The following MAGI2 variants were observed in gnomAD, a reference collection of about 807,000 sequenced individuals.
MAGI2 encodes the protein membrane-associated guanylate kinase, WW and PDZ domain-containing protein 2.
A neutral mutation model predicts 133.3 loss-of-function variants in MAGI2; 35 were observed. That is an observed-to-expected ratio of 0.26 (90% CI 0.20 to 0.35). The LOEUF (loss-of-function observed/expected upper bound fraction) is 0.35, where lower values mean the gene tolerates loss of function less well. Among genes scored for constraint, MAGI2 ranks in the 10% least tolerant of loss-of-function variants. The pLI is 1.00. For missense variants in MAGI2, 1,636 were observed against 1,863.4 expected (o/e 0.88, Z 2.25); for synonymous variants, 729 against 710.6 (o/e 1.03, Z -0.41).
intron 2 of MAGI2, among the ~76,000 whole-genome samples, chr7:78,861,817 G>C (rs991220091): frequency 1.3e-5 from 2 of 152,156 alleles, no homozygotes; most frequent in Non-Finnish European, 2.9e-5. Context: ...TGATTAAATA[G>C]CATTGCTTTT....
chr7:78,694,100 G>A (rs1423073409), intron 2 of MAGI2, among the ~76,000 whole-genome samples: 1 of 152,052 alleles, frequency 6.6e-6, no homozygotes, highest in Non-Finnish European at 1.5e-5. Context: ...TGGGAAACTG[G>A]GAGCCTCAGT....
chr7:78,164,465 C>T (rs1187468161), intron 15 of MAGI2, among the ~76,000 whole-genome samples: 1 of 152,214 alleles, frequency 6.6e-6, no homozygotes, highest in Non-Finnish European at 1.5e-5. Context: ...AGGGGCTGGC[C>T]TGCCTATAGG....
chr7:79,368,024 A>T (rs1439335896), intron 1 of MAGI2, among the ~76,000 whole-genome samples: 1 of 151,656 alleles, frequency 6.6e-6, no homozygotes, highest in Admixed American at 6.6e-5. Context: ...TGAACTGGCC[A>T]CCAGGTTTGA....
chr7:78,802,795 C>A (rs1788184962), intron 2 of MAGI2, among the ~76,000 whole-genome samples: 2 of 151,830 alleles, frequency 1.3e-5, no homozygotes, highest in Admixed American at 1.3e-4. Context: ...TCAATTGTAA[C>A]AAATGTGTTG....
At chr7:78,547,314 G>A (rs1451738990) in intron 3 of MAGI2, among the ~76,000 whole-genome samples, 1 of 152,164 alleles carries the variant, frequency 6.6e-6, no homozygotes, top group Non-Finnish European at 1.5e-5. Context: ...TCATAGTGGT[G>A]GTGGATTAAG....
chr7:78,266,585 T>C (rs1375029912), intron 9 of MAGI2, among the ~76,000 whole-genome samples: 5 of 93,740 alleles, frequency 5.3e-5, no homozygotes, highest in Admixed American at 1.2e-4. Flanking sequence ...AAAAAATCCC[T>C]TTTTTTTTTT....
intron 9 of MAGI2, among the ~76,000 whole-genome samples, chr7:78,310,648 T>C (rs1177069641): frequency 6.6e-6 from 1 of 152,082 alleles, no homozygotes; most frequent in Non-Finnish European, 1.5e-5. Flanking sequence ...ATGACAAGGA[T>C]CTGGACCAAG....
At chr7:78,629,985 T>G (rs1808783004) in intron 2 of MAGI2, among the ~76,000 whole-genome samples, 3 of 151,908 alleles carry the variant, frequency 2.0e-5, no homozygotes, top group Non-Finnish European at 4.4e-5. Context: ...TTAAATTAAA[T>G]AAATATTTTA....
At chr7:78,219,842 C>T (rs898944071) in intron 10 of MAGI2, among the ~76,000 whole-genome samples, 2 of 152,158 alleles carry the variant, frequency 1.3e-5, no homozygotes, top group Admixed American at 6.5e-5. Context: ...GATTCAGAGC[C>T]CCAGTACCTC....
intron 6 of MAGI2, among the ~76,000 whole-genome samples, chr7:78,387,601 G>T (rs1305663109): frequency 1.3e-5 from 2 of 152,112 alleles, no homozygotes; most frequent in Non-Finnish European, 2.9e-5. Flanking sequence ...TCACCACAAT[G>T]AAGGCTTCAA....
rs554608008 is a variant in MAGI2, at chr7:78,398,827, C to T, written c.1046-29614G>A. 5.3e-5 allele frequency among the ~76,000 whole-genome samples: 8 copies of T among 152,204 alleles called. No homozygotes were observed. In the South Asian group the frequency reaches 1.7e-3, roughly 32 times the overall value. ...CAGCTCACCCTAGTGTTTAAAAATC[C>T]TCCTGCTTTTTGTTTCAGGGCACTT... On this transcript the variant is annotated intron_variant, in intron 6 of 21. Transcript: ENST00000354212.
intron 1 of MAGI2, among the ~76,000 whole-genome samples, chr7:79,009,963 A>C (rs1807874509): frequency 6.6e-6 from 1 of 152,110 alleles, no homozygotes; most frequent in African/African-American, 2.4e-5. Context: ...ACACTCATTA[A>C]AAAAACTATT....
chr7:78,736,448 T>A (rs547639107), intron 2 of MAGI2, among the ~76,000 whole-genome samples: 1 of 152,314 alleles, frequency 6.6e-6, no homozygotes, highest in East Asian at 1.9e-4. Context: ...CAGACTTAAA[T>A]GTCCAAACAA....
intron 1 of MAGI2, among the ~76,000 whole-genome samples, chr7:79,417,280 C>T (rs573359112): frequency 5.3e-5 from 8 of 152,148 alleles, no homozygotes; most frequent in African/African-American, 1.9e-4. Flanking sequence ...AGAATTGATT[C>T]AAAACCTATT....
intron 6 of MAGI2, among the ~76,000 whole-genome samples, chr7:78,437,322 A>G (rs981623128): frequency 1.3e-5 from 2 of 152,158 alleles, no homozygotes; most frequent in Non-Finnish European, 2.9e-5. Flanking sequence ...TCTACTTTCT[A>G]CTAAATGACT....
At chr7:78,923,003 G>C (rs1222449383) in intron 2 of MAGI2, among the ~76,000 whole-genome samples, 1 of 152,120 alleles carries the variant, frequency 6.6e-6, no homozygotes, top group African/African-American at 2.4e-5. Flanking sequence ...TTTGAGAAGT[G>C]TCTGTTCATA....
chr7:78,560,407 TAG>T, intron 3 of MAGI2, among the ~76,000 whole-genome samples: 1 of 152,162 alleles, frequency 6.6e-6, no homozygotes, highest in South Asian at 2.1e-4. Context: ...TGAAAGTGGA[TAG>T]AGTTTCCAAG....
chr7:78,590,107 T>C (rs574398946), intron 3 of MAGI2, among the ~76,000 whole-genome samples: 1 of 152,306 alleles, frequency 6.6e-6, no homozygotes, highest in Non-Finnish European at 1.5e-5. Flanking sequence ...TTTTCTTTCT[T>C]AGGGAGAGGC....
chr7:79,406,262 G>A (rs1260736780), intron 1 of MAGI2, among the ~76,000 whole-genome samples: 1 of 152,018 alleles, frequency 6.6e-6, no homozygotes, highest in African/African-American at 2.4e-5. Flanking sequence ...TTGCAGCCAA[G>A]ATAATAAGAG....
Sources: allele counts gnomAD v4.1 joint callset (sites outside exome capture counted in the v4.1 genomes callset), GRCh38; gene constraint gnomAD v4.1.1; transcripts MANE v1.5; gene names NCBI Gene and HGNC (gene_info 2026-07-23, HGNC 2026-07-21).